Variants in EYA4 observed in about 807,000 individuals in gnomAD.
EYA4 encodes EYA transcriptional coactivator and phosphatase 4, also known as protein phosphatase EYA4.
A neutral mutation model predicts 87.9 loss-of-function variants in EYA4; 31 were observed. The observed-to-expected ratio is 0.35, with a 90% confidence interval of 0.27 to 0.48. EYA4 has a LOEUF of 0.48. EYA4 is among the 20% of genes least tolerant of loss of function. EYA4 has a pLI of 0.99. For synonymous variants in EYA4, 263 were observed against 270.6 expected, an observed-to-expected ratio of 0.97 and a Z score of 0.28; for missense variants, 678 against 761.4, an observed-to-expected ratio of 0.89 and a Z score of 1.29.
intron 3 of EYA4, among the ~76,000 whole-genome samples, chr6:133,421,071 C>T (rs77543331): frequency 2.6e-5 from 4 of 152,186 alleles, no homozygotes; most frequent in Non-Finnish European, 5.9e-5. Context: ...CCACTTCTTC[C>T]CTCCATTTGG....
intron 1 of EYA4, chr6:133,244,962 C>T (rs962918343): frequency 6.6e-6 from 1 of 152,004 alleles, no homozygotes; most frequent in African/African-American, 2.4e-5. Flanking sequence ...ACTTATTTTG[C>T]CCCACAAAAA....
chr6:133,483,020 T>G lies in EYA4; in HGVS notation c.1108-12T>G. The G allele has an allele frequency of 6.2e-7, 1 of 1,609,038 alleles. No individual in the cohort carries two copies. Among genetic ancestry groups the G allele is most frequent in the Non-Finnish European group, 8.5e-7 (1 of 1,175,812 alleles). On this transcript the variant is annotated splice_polypyrimidine_tract_variant and intron_variant, in intron 12 of 19. Transcript: ENST00000355286. ...ACTTTTTAATTTTCTGATATTTATTTTTTGTCTTCAGCGTGTGTTTGTCTG... is the reference window on the plus strand; with the variant it reads ...ACTTTTTAATTTTCTGATATTTATTGTTTGTCTTCAGCGTGTGTTTGTCTG...
intron 2 of EYA4, among the ~76,000 whole-genome samples, chr6:133,316,401 A>G (rs1220651616): frequency 6.6e-6 from 1 of 152,188 alleles, no homozygotes; most frequent in Non-Finnish European, 1.5e-5. Context: ...AGCTACTTAA[A>G]TAGGTTTTAG....
intron 3 of EYA4, among the ~76,000 whole-genome samples, chr6:133,386,209 A>G (rs775741251): frequency 1.3e-4 from 20 of 152,262 alleles, no homozygotes; most frequent in Middle Eastern, 3.4e-3. Flanking sequence ...AACTGAAATG[A>G]TATTTTGCAT....
intron 2 of EYA4, among the ~76,000 whole-genome samples, chr6:133,282,700 T>A (rs1467584471): frequency 6.6e-6 from 1 of 152,200 alleles, no homozygotes; most frequent in Non-Finnish European, 1.5e-5. Context: ...TTCTGTCAAC[T>A]GTGATCAGCT....
intron 2 of EYA4, among the ~76,000 whole-genome samples, chr6:133,368,587 G>T (rs1187793433): frequency 6.6e-6 from 1 of 152,190 alleles, no homozygotes; most frequent in East Asian, 1.9e-4. Context: ...TGGCTGCAAA[G>T]ACATTATTTT....
chr6:133,298,056 C>A (rs948439054), intron 2 of EYA4, among the ~76,000 whole-genome samples: 22 of 152,020 alleles, frequency 1.4e-4, no homozygotes, highest in Non-Finnish European at 1.3e-4. Context: ...AAGAGTTTTT[C>A]CCCAGCATCT....
intron 10 of EYA4, among the ~76,000 whole-genome samples, chr6:133,468,110 C>A (rs1406230650): frequency 6.6e-6 from 1 of 151,858 alleles, no homozygotes; most frequent in Non-Finnish European, 1.5e-5. Context: ...CAGAAAGGAA[C>A]AAAAATCACA....
chr6:133,499,187 A>G (rs1248240888), intron 13 of EYA4, among the ~76,000 whole-genome samples: 2 of 152,154 alleles, frequency 1.3e-5, no homozygotes, highest in Non-Finnish European at 2.9e-5. Context: ...ACATTAACTT[A>G]CCTTAAGTAT....
In EYA4 at chr6:133,447,231, G is replaced by A. The variant is rs1267085687; in HGVS notation, c.208+477G>A. 2.6e-5 allele frequency among the ~76,000 whole-genome samples: 4 copies of A among 152,146 alleles called. No individual in the cohort carries two copies. The East Asian group carries it at 5.8e-4, about 22-fold the overall frequency. On this transcript the variant is annotated intron_variant, in intron 4 of 19. Coordinates refer to ENST00000355286, the MANE Select transcript of EYA4 (RefSeq NM_004100.5). The stretch of plus-strand genomic sequence containing the variant: ...AAATACAAAAATACTCATATCTGCT[G>A]CATTTTCTTTTCAAAGAGAATAACA...
intron 2 of EYA4, among the ~76,000 whole-genome samples, chr6:133,289,274 G>A (rs1197677136): frequency 1.3e-5 from 2 of 152,166 alleles, no homozygotes; most frequent in Non-Finnish European, 2.9e-5. Flanking sequence ...CTTCCTTAAT[G>A]CATTCTTTTT....
At chr6:133,342,750 C>T (rs1354890245) in intron 2 of EYA4, among the ~76,000 whole-genome samples, 1 of 151,502 alleles carries the variant, frequency 6.6e-6, no homozygotes, top group East Asian at 1.9e-4. Flanking sequence ...TTTCTGAAAT[C>T]TTTATTTAGC....
At chr6:133,284,813 C>T (rs899467028) in intron 2 of EYA4, among the ~76,000 whole-genome samples, 6 of 152,108 alleles carry the variant, frequency 3.9e-5, no homozygotes, top group East Asian at 1.9e-4. Context: ...ACAAAATGGA[C>T]GCATATTACT....
rs1361927617 is a variant in EYA4 at position 133,530,460 on chromosome 6, G to T, written c.*1655G>T. 3 of 985,592 alleles carry T rather than the reference G, an allele frequency of 3.0e-6. No individual in the cohort carries two copies. The highest frequency in any genetic ancestry group is 1.2e-6 in the Non-Finnish European group (1 of 829,934). The allele number at this position is 985,592 out of a possible 1,614,324, so 61.1% of individuals were successfully genotyped here. ...GAACTAGAGTATTTTTATGGTGTCT[G>T]CACCTGCAGTTCTGTGTTTAAAATG... On this transcript the variant is annotated 3_prime_UTR_variant, in exon 20 of 20. Coordinates refer to ENST00000355286, the MANE Select transcript of EYA4 (RefSeq NM_004100.5).
At chr6:133,496,879 C>T (rs1351897987) in intron 13 of EYA4, among the ~76,000 whole-genome samples, 2 of 152,136 alleles carry the variant, frequency 1.3e-5, no homozygotes, top group Non-Finnish European at 2.9e-5. Context: ...TACTCCTGCA[C>T]CATGTGAAGT....
At chr6:133,493,321 A>G (rs1797349906) in intron 13 of EYA4, among the ~76,000 whole-genome samples, 1 of 152,234 alleles carries the variant, frequency 6.6e-6, no homozygotes, top group African/African-American at 2.4e-5. Flanking sequence ...TTTTTTACAA[A>G]GATGCCAAGC....
At chr6:133,427,507 T>C (rs897038755) in intron 3 of EYA4, among the ~76,000 whole-genome samples, 2 of 152,342 alleles carry the variant, frequency 1.3e-5, no homozygotes, top group African/African-American at 2.4e-5. Flanking sequence ...TGTGATGATA[T>C]CTGTATTTTG....
rs560745310 is a variant in EYA4, at chr6:133,286,554, A to G, written c.33+11741A>G. ...AGCAATGAGTTATGTCATAGACTGT[A>G]TGTGGCCACATTCAGTGAATTTTCC... On this transcript the variant is annotated intron_variant, in intron 2 of 19. Coordinates refer to ENST00000355286, the MANE Select transcript of EYA4 (RefSeq NM_004100.5). 2.7e-3 allele frequency among the ~76,000 whole-genome samples: 408 copies of G among 152,062 alleles called. 2 individuals carry two copies. The highest frequency in any genetic ancestry group is 9.4e-3 in the African/African-American group (387 of 41,338).
chr6:133,377,237 A>G (rs1785769877), intron 2 of EYA4, among the ~76,000 whole-genome samples: 2 of 152,062 alleles, frequency 1.3e-5, no homozygotes, highest in Admixed American at 6.6e-5. Flanking sequence ...AAATTATTTT[A>G]TTTAACACAG....
Sources: allele counts gnomAD v4.1 joint callset (sites outside exome capture counted in the v4.1 genomes callset), GRCh38; gene constraint gnomAD v4.1.1; transcripts MANE v1.5; gene names NCBI Gene and HGNC (gene_info 2026-07-23, HGNC 2026-07-21).